The following WDR83 variants were observed in gnomAD, a reference collection of about 807,000 sequenced individuals.
The protein encoded by WDR83 is WD repeat domain 83.
In WDR83, 37 loss-of-function variants were observed where a neutral mutation model predicts 37.7. That is an observed-to-expected ratio of 0.98 (90% CI 0.76 to 1.29). The LOEUF (loss-of-function observed/expected upper bound fraction) is 1.29, where lower values mean the gene tolerates loss of function less well. Among genes scored for constraint, WDR83 ranks in the 50% most tolerant of loss-of-function variants. The pLI is 0.00. For synonymous variants in WDR83, 174 were observed against 181.1 expected (o/e 0.96, Z 0.31); for missense variants, 445 against 414.4 (o/e 1.07, Z -0.64).
intron 1 of WDR83, chr19:12,667,972 G>A: frequency 4.9e-6 from 1 of 204,136 alleles, no homozygotes; most frequent in Non-Finnish European, 1.0e-5. Context: ...CAAATGAACA[G>A]CCAGAAGCCT....
chr19:12,675,621 C>T lies in WDR83; in HGVS notation c.897C>T (p.Ser299=), dbSNP rs368544821. The stretch of plus-strand genomic sequence containing the variant: ...GCCTGCTGACCGCCATGGGAGGCAG[C>T]GTCCAGTGCTGGCGAGAGGAGGCCT... The part of the protein sequence containing the change: ...EPCLLTAMGG[S]VQCWREEAYE... The change falls in exon 11 of 11, where the codon AGC becomes AGT. Residue 299 remains serine (S), a synonymous_variant. Transcript: ENST00000418543. 8 of 1,603,372 alleles carry T rather than the reference C, an allele frequency of 5.0e-6. No individual in the cohort carries two copies. The highest frequency in any genetic ancestry group is 2.7e-5 in the African/African-American group (2 of 74,894).
intron 10 of WDR83, among the ~76,000 whole-genome samples, chr19:12,675,190 G>A (rs1341957426): frequency 6.6e-6 from 1 of 152,144 alleles, no homozygotes; most frequent in Non-Finnish European, 1.5e-5. Context: ...ACTTTGGGAG[G>A]CCAAGGCAGG....
chr19:12,670,437 T>C (rs893796270), intron 5 of WDR83, 126 bp from the exon 6 acceptor site: 16 of 1,520,152 alleles, frequency 1.1e-5, no homozygotes, highest in African/African-American at 8.2e-5. Flanking sequence ...CACCAACCCC[T>C]GTCCTTGCTG....
intron 10 of WDR83, 120 bp from the exon 11 acceptor site, chr19:12,675,403 A>C: frequency 1.4e-6 from 2 of 1,404,718 alleles, no homozygotes; most frequent in Middle Eastern, 5.2e-4. Flanking sequence ...CAGGTGGCTG[A>C]AGGTCGGGGA....
intron 10 of WDR83, among the ~76,000 whole-genome samples, chr19:12,673,704 C>G (rs111376087): frequency 6.6e-6 from 1 of 151,902 alleles, no homozygotes; most frequent in South Asian, 2.1e-4. Context: ...GCGTAAGCCA[C>G]CACACCCGGC....
chr19:12,674,881 C>T (rs1459321010), intron 10 of WDR83, among the ~76,000 whole-genome samples: 1 of 151,792 alleles, frequency 6.6e-6, no homozygotes, highest in Non-Finnish European at 1.5e-5. Context: ...TTTGGGAGGC[C>T]GAGGGGGGTG....
chr19:12,671,887 G>A (rs1245613907), intron 7 of WDR83, among the ~76,000 whole-genome samples: 5 of 152,014 alleles, frequency 3.3e-5, no homozygotes, highest in African/African-American at 4.8e-5. Flanking sequence ...TAGTAGAGAC[G>A]GGGTTTCGCC....
intron 2 of WDR83, 138 bp from the exon 3 acceptor site, chr19:12,669,617 G>T: frequency 1.1e-6 from 1 of 908,338 alleles, no homozygotes. Flanking sequence ...CCTGAAAGCG[G>T]GCTTCAATAG....
Position 12,669,773 on chromosome 19 carries a change from G to A in WDR83, c.-18G>A, listed in dbSNP as rs374152338. 3.2e-5 allele frequency: 51 copies of A among 1,570,800 alleles called. No individual in the cohort carries two copies. The highest frequency in any genetic ancestry group is 1.7e-4 in the Middle Eastern group (1 of 5,848). On this transcript the variant is annotated 5_prime_UTR_variant, in exon 3 of 11. Transcript: ENST00000418543. Reference sequence around the variant, plus strand: ...CGTACAGACCGATTTAAGGCTGCAAGGAAGGAGTCCTGGGAGCATGGCTTT... The same window carrying A: ...CGTACAGACCGATTTAAGGCTGCAAAGAAGGAGTCCTGGGAGCATGGCTTT...
chr19:12,669,265 G>C, intron 2 of WDR83: 1 of 1,612,090 alleles, frequency 6.2e-7, no homozygotes, highest in Non-Finnish European at 8.5e-7. Flanking sequence ...GGGGCGCTCA[G>C]GTCCTGCCCC....
At chr19:12,669,517 A>G (rs1433247632) in intron 2 of WDR83, 2 of 1,316,722 alleles carry the variant, frequency 1.5e-6, no homozygotes, top group South Asian at 1.3e-5. Context: ...TCCGTTCCTC[A>G]TGACAGAGGC....
Position 12,668,496 on chromosome 19 carries a change from C to T in WDR83, c.-156-12C>T. 3.1e-6 allele frequency: 5 copies of T among 1,613,922 alleles called. No homozygotes were observed. The Admixed American group carries it at 6.7e-5, about 22-fold the overall frequency. On this transcript the variant is annotated splice_polypyrimidine_tract_variant and intron_variant, in intron 1 of 10. Transcript: ENST00000418543. ...CCCCCCACCCCTTACTCAAGAGTCA[C>T]TTGTTCTGTAGGGCAAGTCTCACAT...
intron 10 of WDR83, among the ~76,000 whole-genome samples, chr19:12,674,432 G>A (rs1345109712): frequency 6.6e-6 from 1 of 152,020 alleles, no homozygotes; most frequent in African/African-American, 2.4e-5. Flanking sequence ...AGGCCCATAA[G>A]AGGATGGAGG....
At position 12,668,815 on chromosome 19, in the gene WDR83, G is replaced by C. The variant is rs1412743637; in HGVS notation, c.-37+188G>C. ...TTTCTAGTCCTACTGTCTGGCCTGC[G>C]TCTCTCAGGACCAAGAGAGACTCTG... On this transcript the variant is annotated intron_variant, in intron 2 of 10. Transcript: ENST00000418543. 2.0e-5 allele frequency among the ~76,000 whole-genome samples: 3 copies of C among 152,062 alleles called. No individual in the cohort carries two copies. The East Asian group carries it at 5.8e-4, about 29-fold the overall frequency.
intron 1 of WDR83, 144 bp from the exon 2 acceptor site, chr19:12,668,364 A>G: frequency 6.2e-7 from 1 of 1,612,418 alleles, no homozygotes; most frequent in Non-Finnish European, 8.5e-7. Context: ...TGGTATCACC[A>G]TGGGGGCGTC....
intron 7 of WDR83, 188 bp from the exon 8 acceptor site, chr19:12,672,659 G>A (rs1486169430): frequency 3.2e-6 from 2 of 617,576 alleles, no homozygotes; most frequent in Non-Finnish European, 5.8e-6. Context: ...GGCTTGGAAA[G>A]GGGGTGTGGG....
At chr19:12,668,027 C>G in intron 1 of WDR83, 3 of 283,880 alleles carry the variant, frequency 1.1e-5, no homozygotes, top group Non-Finnish European at 2.1e-5. Context: ...AGAGCCCTTC[C>G]CGCCAGGTAG....
At chr19:12,668,387 T>A in intron 1 of WDR83, 121 bp from the exon 2 acceptor site, 2 of 1,613,452 alleles carry the variant, frequency 1.2e-6, no homozygotes, top group Non-Finnish European at 1.7e-6. Context: ...GGGCTGAGGA[T>A]TCTGCAGATA....
At chr19:12,668,317 G>A in intron 1 of WDR83, 191 bp from the exon 2 acceptor site, 1 of 1,582,740 alleles carries the variant, frequency 6.3e-7, no homozygotes, top group Non-Finnish European at 8.6e-7. Context: ...CCCAGGCCTA[G>A]TGGATAGACA....
Sources: gnomAD v4.1 joint callset for allele counts (sites outside exome capture counted in the v4.1 genomes callset) on GRCh38, gnomAD v4.1.1 for gene constraint, MANE v1.5 for transcripts, NCBI Gene and HGNC (gene_info 2026-07-23, HGNC 2026-07-21) for gene names.